Variants in RALYL observed in about 807,000 individuals in gnomAD.
RALYL encodes the protein RNA-binding Raly-like protein.
In RALYL, 29 loss-of-function variants were observed where a neutral mutation model predicts 35.1. That is an observed-to-expected ratio of 0.83 (90% confidence interval 0.61 to 1.13). The LOEUF is 1.13. Ranked by LOEUF, RALYL falls within the 50% of genes most tolerant of loss-of-function variation. RALYL has a pLI of 0.00. For missense variants in RALYL, 359 were observed against 360.4 expected, an observed-to-expected ratio of 1.00 and a Z score of 0.03; for synonymous variants, 120 against 127.6, an observed-to-expected ratio of 0.94 and a Z score of 0.40.
chr8:84,201,818 C>G (rs1314525433), intron 1 of RALYL, among the ~76,000 whole-genome samples: 2 of 152,114 alleles, frequency 1.3e-5, no homozygotes, highest in African/African-American at 4.8e-5. Flanking sequence ...TCTCCCACCT[C>G]AGCCTCCCAA....
intron 2 of RALYL, among the ~76,000 whole-genome samples, chr8:84,690,420 G>A (rs1000474583): frequency 6.6e-6 from 1 of 152,088 alleles, no homozygotes; most frequent in Admixed American, 6.6e-5. Context: ...GTATAAAGTT[G>A]CAGTTTTGCA....
chr8:84,726,931 C>T (rs1260288643), intron 2 of RALYL, among the ~76,000 whole-genome samples: 1 of 151,942 alleles, frequency 6.6e-6, no homozygotes, highest in Non-Finnish European at 1.5e-5. Flanking sequence ...TTGCAGCCCT[C>T]AGGAAAATAA....
At chr8:84,542,152 T>G (rs2060060180) in intron 2 of RALYL, among the ~76,000 whole-genome samples, 1 of 152,246 alleles carries the variant, frequency 6.6e-6, no homozygotes, top group African/African-American at 2.4e-5. Context: ...TGTTTTGCCG[T>G]TTCCACTCTG....
intron 7 of RALYL, among the ~76,000 whole-genome samples, chr8:84,886,712 C>A (rs545256312): frequency 4.6e-5 from 7 of 152,282 alleles, no homozygotes; most frequent in African/African-American, 1.4e-4. Flanking sequence ...GCTGTCAGCA[C>A]AATTTCCATT....
At chr8:84,663,704 A>T (rs1487731368) in intron 2 of RALYL, among the ~76,000 whole-genome samples, 1 of 152,016 alleles carries the variant, frequency 6.6e-6, no homozygotes, top group Admixed American at 6.6e-5. Context: ...TTCCTTGTAG[A>T]CACTGGATAT....
intron 8 of RALYL, among the ~76,000 whole-genome samples, chr8:84,902,040 T>A (rs1369579826): frequency 6.6e-6 from 1 of 152,106 alleles, no homozygotes; most frequent in African/African-American, 2.4e-5. Context: ...TCATCACATA[T>A]CCAGAGGTTA....
At chr8:84,614,209 T>C (rs1818930371) in intron 2 of RALYL, among the ~76,000 whole-genome samples, 2 of 151,640 alleles carry the variant, frequency 1.3e-5, no homozygotes, top group South Asian at 4.1e-4. Context: ...GCTGTTGCTG[T>C]TGTTATTAAT....
At chr8:84,504,220 A>G (rs1015134007) in intron 1 of RALYL, among the ~76,000 whole-genome samples, 1 of 152,154 alleles carries the variant, frequency 6.6e-6, no homozygotes, top group Non-Finnish European at 1.5e-5. Flanking sequence ...TACTAAAGAG[A>G]TGAGGTTAAA....
chr8:84,204,564 T>G (rs905604523), intron 1 of RALYL, among the ~76,000 whole-genome samples: 1 of 152,154 alleles, frequency 6.6e-6, no homozygotes, highest in Non-Finnish European at 1.5e-5. Flanking sequence ...CACCCTGCTT[T>G]GTGTTCATCT....
intron 1 of RALYL, among the ~76,000 whole-genome samples, chr8:84,399,116 C>T (rs538342058): frequency 6.6e-6 from 1 of 152,200 alleles, no homozygotes; most frequent in East Asian, 1.9e-4. Flanking sequence ...GGTAGTACTG[C>T]TTTCAGGCAA....
intron 1 of RALYL, among the ~76,000 whole-genome samples, chr8:84,357,223 A>G (rs375722361): frequency 1.1e-4 from 17 of 152,172 alleles, no homozygotes; most frequent in African/African-American, 3.8e-4. Flanking sequence ...TAATATCCCC[A>G]ATCATTGTGA....
chr8:84,905,275 A>G (rs1846300208), intron 8 of RALYL, among the ~76,000 whole-genome samples: 1 of 152,200 alleles, frequency 6.6e-6, no homozygotes, highest in African/African-American at 2.4e-5. Context: ...TTAAGGCTAA[A>G]TAATATTTCC....
intron 1 of RALYL, among the ~76,000 whole-genome samples, chr8:84,434,821 T>A (rs983587269): frequency 1.3e-5 from 2 of 151,818 alleles, no homozygotes; most frequent in Admixed American, 6.6e-5. Context: ...ATTAAAAAAA[T>A]ATATACATTT....
chr8:84,627,201 C>T lies in RALYL; in HGVS notation c.256+97624C>T, dbSNP rs574061815. Among the ~76,000 whole-genome samples, 11 of 151,980 alleles carry T rather than the reference C, an allele frequency of 7.2e-5. No individual in the cohort carries two copies. The South Asian group carries it at 1.5e-3, about 20-fold the overall frequency. ...AGGGCTTCTGAAGTCTTCAACTTAG[C>T]ATTCGTCTTTCCAGGTCAAATAATC... On this transcript the variant is annotated intron_variant, in intron 2 of 8. Coordinates refer to ENST00000521268, the MANE Select transcript of RALYL (RefSeq NM_173848.7).
chr8:84,434,254 A>G (rs2047461798), intron 1 of RALYL, among the ~76,000 whole-genome samples: 2 of 152,046 alleles, frequency 1.3e-5, no homozygotes, highest in Admixed American at 6.6e-5. Context: ...CACCCTAATG[A>G]CCTCATTTTA....
intron 7 of RALYL, among the ~76,000 whole-genome samples, chr8:84,878,231 G>A (rs1462348610): frequency 1.3e-5 from 2 of 152,130 alleles, no homozygotes; most frequent in Admixed American, 6.6e-5. Flanking sequence ...AGACAATAAG[G>A]AAACTTGAGA....
intron 8 of RALYL, among the ~76,000 whole-genome samples, chr8:84,910,665 G>A (rs925839906): frequency 6.6e-6 from 1 of 151,972 alleles, no homozygotes; most frequent in Non-Finnish European, 1.5e-5. Flanking sequence ...CATGTGCATA[G>A]CTTCTCACCT....
At chr8:84,912,965 T>C (rs1847746426) in intron 8 of RALYL, among the ~76,000 whole-genome samples, 1 of 151,574 alleles carries the variant, frequency 6.6e-6, no homozygotes, top group Admixed American at 6.6e-5. Flanking sequence ...TAGTTTTGGA[T>C]GTACAGTGCA....
chr8:84,425,092 C>G (rs1456115062), intron 1 of RALYL, among the ~76,000 whole-genome samples: 1 of 152,206 alleles, frequency 6.6e-6, no homozygotes, highest in African/African-American at 2.4e-5. Flanking sequence ...TTCGAGCTTC[C>G]TAGCTGCTTT....
Sources: allele counts gnomAD v4.1 joint callset (sites outside exome capture counted in the v4.1 genomes callset), GRCh38; gene constraint gnomAD v4.1.1; transcripts MANE v1.5; gene names NCBI Gene and HGNC (gene_info 2026-07-23, HGNC 2026-07-21).